The following FRMPD4 variants were observed in gnomAD, a reference collection of about 807,000 sequenced individuals.
The protein encoded by FRMPD4 is FERM and PDZ domain containing 4, also known as FERM and PDZ domain-containing protein 4.
In FRMPD4, 22 loss-of-function variants were observed where a neutral mutation model predicts 94.1. That is an observed-to-expected ratio of 0.23 (90% CI 0.17 to 0.33). The LOEUF is 0.33. Among genes scored for constraint, FRMPD4 ranks in the 10% least tolerant of loss-of-function variants. The probability of loss-of-function intolerance (pLI) is 1.00; values close to 1 mark genes in which losing one functional copy is unlikely to be tolerated. For synonymous variants in FRMPD4, 631 were observed against 548.6 expected (o/e 1.15, Z -2.10); for missense variants, 1,111 against 1,339.9 (o/e 0.83, Z 2.67).
At chrX:12,181,817 T>G (rs570477844) in intron 1 of FRMPD4, among the ~76,000 whole-genome samples, 2 of 111,979 alleles carry the variant, frequency 1.8e-5, no homozygotes, top group South Asian at 7.6e-4. Context: ...TAGCTCTGTC[T>G]TCAGGTCATG....
chrX:12,114,434 A>T (rs1167248700), intron 3 of FRMPD4, among the ~76,000 whole-genome samples: 1 of 112,275 alleles, frequency 8.9e-6, no homozygotes, highest in Non-Finnish European at 1.9e-5. Context: ...TCTCTTCCAG[A>T]GTTGTTCCCT....
intron 2 of FRMPD4, among the ~76,000 whole-genome samples, chrX:12,555,889 A>G (rs1266486896): frequency 5.3e-5 from 6 of 112,286 alleles, no homozygotes; most frequent in African/African-American, 1.9e-4. Flanking sequence ...ATATCAAATT[A>G]AACATGCCAT....
chrX:12,581,238 A>C (rs1240136097), intron 2 of FRMPD4, among the ~76,000 whole-genome samples: 1 of 112,494 alleles, frequency 8.9e-6, no homozygotes, highest in Admixed American at 9.4e-5. Context: ...ATAACATCAC[A>C]ATGTCCAGGA....
chrX:11,862,646 C>T (rs1215957388), intron 1 of FRMPD4, among the ~76,000 whole-genome samples: 4 of 110,630 alleles, frequency 3.6e-5, no homozygotes, highest in Non-Finnish European at 7.6e-5. Context: ...TACTAACATG[C>T]ACTGTCCCAG....
chrX:12,096,878 C>A (rs998001123), intron 3 of FRMPD4, among the ~76,000 whole-genome samples: 1 of 111,148 alleles, frequency 9.0e-6, no homozygotes, highest in East Asian at 2.8e-4. Context: ...CAGAGCAAGA[C>A]CCCATCTCTA....
chrX:11,862,960 GTTTTTT>G (rs772255596), intron 1 of FRMPD4, among the ~76,000 whole-genome samples: 9 of 47,673 alleles, frequency 1.9e-4, no homozygotes, highest in Non-Finnish European at 3.1e-4. Flanking sequence ...AGGGAACTTG[GTTTTTT>G]TTTTTTTTTT....
At chrX:11,833,746 C>T (rs1425412580) in intron 1 of FRMPD4, among the ~76,000 whole-genome samples, 1 of 111,920 alleles carries the variant, frequency 8.9e-6, no homozygotes, top group Non-Finnish European at 1.9e-5. Context: ...TCCTTCCCTG[C>T]ATTTTGCAGC....
At chrX:12,446,335 A>AT (rs2057195077) in intron 1 of FRMPD4, among the ~76,000 whole-genome samples, 1 of 112,321 alleles carries the variant, frequency 8.9e-6, no homozygotes, top group Admixed American at 9.4e-5. Flanking sequence ...CACTGCAGAG[A>AT]TTTTGCATTC....
intron 1 of FRMPD4, among the ~76,000 whole-genome samples, chrX:12,441,400 G>A (rs1022402500): frequency 8.9e-6 from 1 of 112,081 alleles, no homozygotes; most frequent in African/African-American, 3.2e-5. Context: ...TACACAACTG[G>A]AAAATAACAT....
intron 1 of FRMPD4, among the ~76,000 whole-genome samples, chrX:12,323,137 A>G (rs2055235442): frequency 8.9e-6 from 1 of 111,766 alleles, no homozygotes; most frequent in South Asian, 3.8e-4. Context: ...GCCTGGGGAA[A>G]GTGGAATACC....
chrX:12,656,735 A>T (rs1307242570), intron 4 of FRMPD4, among the ~76,000 whole-genome samples: 1 of 112,069 alleles, frequency 8.9e-6, no homozygotes, highest in Non-Finnish European at 1.9e-5. Context: ...GGCTTCTGGG[A>T]TATTGGTAAT....
At chrX:11,988,422 A>C (rs2054445368) in intron 3 of FRMPD4, among the ~76,000 whole-genome samples, 1 of 112,121 alleles carries the variant, frequency 8.9e-6, no homozygotes, top group Non-Finnish European at 1.9e-5. Flanking sequence ...TCTCTCATTA[A>C]ATACAAAAAT....
At chrX:11,968,224 A>G (rs1273643317) in intron 3 of FRMPD4, among the ~76,000 whole-genome samples, 1 of 111,665 alleles carries the variant, frequency 9.0e-6, no homozygotes, top group South Asian at 3.8e-4. Context: ...GATCTAGTTC[A>G]TGATAAAAGC....
intron 1 of FRMPD4, among the ~76,000 whole-genome samples, chrX:12,422,340 G>A (rs16986874): frequency 0.045 from 5,099 of 112,221 alleles, 268 homozygotes; most frequent in African/African-American, 0.15. Context: ...TTTGGGGTTT[G>A]AAACCTGAAT....
At chrX:12,444,197 G>A (rs1437495102) in intron 1 of FRMPD4, among the ~76,000 whole-genome samples, 1 of 111,131 alleles carries the variant, frequency 9.0e-6, no homozygotes, top group Non-Finnish European at 1.9e-5. Flanking sequence ...ATAGAATATG[G>A]GGAAATAAGC....
intron 3 of FRMPD4, among the ~76,000 whole-genome samples, chrX:12,074,912 G>A (rs965988197): frequency 1.8e-5 from 2 of 112,226 alleles, no homozygotes. Context: ...ATTTGTAAAG[G>A]GAAGAAGGAT....
chrX:12,317,839 A>G (rs1482271404), intron 1 of FRMPD4, among the ~76,000 whole-genome samples: 2 of 112,082 alleles, frequency 1.8e-5, no homozygotes, highest in African/African-American at 6.5e-5. Context: ...GAGAAAGGGG[A>G]ACACTAATAT....
intron 2 of FRMPD4, among the ~76,000 whole-genome samples, chrX:12,532,863 C>A (rs931385201): frequency 9.0e-6 from 1 of 111,725 alleles, no homozygotes. Flanking sequence ...AAATAATTAC[C>A]CAGTCCAAAA....
At chrX:12,256,215 G>T (rs2054112977) in intron 1 of FRMPD4, among the ~76,000 whole-genome samples, 1 of 111,513 alleles carries the variant, frequency 9.0e-6, no homozygotes, top group African/African-American at 3.3e-5. Flanking sequence ...AAGTTCCATT[G>T]GGGTGTTGGC....
Sources: allele counts gnomAD v4.1 joint callset (sites outside exome capture counted in the v4.1 genomes callset), GRCh38; gene constraint gnomAD v4.1.1; transcripts MANE v1.5; gene names NCBI Gene and HGNC (gene_info 2026-07-23, HGNC 2026-07-21).